GAN: variants seen among roughly 807,000 people sequenced by gnomAD.
GAN encodes epididymis secretory sperm binding protein.
A neutral mutation model predicts 71.3 loss-of-function variants in GAN; 48 were observed. That is an observed-to-expected ratio of 0.67 (90% CI 0.53 to 0.86). The LOEUF is 0.86. Ranked by LOEUF, GAN falls within the 40% of genes least tolerant of loss-of-function variation. The probability of loss-of-function intolerance (pLI) is 0.00; values close to 1 mark genes in which losing one functional copy is unlikely to be tolerated. For missense variants in GAN, 928 were observed against 770.1 expected (o/e 1.21, Z -2.43); for synonymous variants, 386 against 276.8 (o/e 1.39, Z -3.92).
At chr16:81,337,890 T>C (rs1268436675) in intron 1 of GAN, among the ~76,000 whole-genome samples, 2 of 152,228 alleles carry the variant, frequency 1.3e-5, no homozygotes, top group African/African-American at 4.8e-5. Context: ...AAGTATATTA[T>C]AAATCCTTAA....
At chr16:81,318,703 C>T (rs1909125795) in intron 1 of GAN, among the ~76,000 whole-genome samples, 1 of 152,048 alleles carries the variant, frequency 6.6e-6, no homozygotes, top group African/African-American at 2.4e-5. Context: ...CTTGTTTTTC[C>T]TGCTGACACC....
intron 9 of GAN, among the ~76,000 whole-genome samples, chr16:81,375,738 G>A (rs2150697676): frequency 6.6e-6 from 1 of 152,160 alleles, no homozygotes; most frequent in South Asian, 2.1e-4. Context: ...GGCCAAGACA[G>A]AAGGATCACT....
chr16:81,325,874 C>T (rs1909368509), intron 1 of GAN, among the ~76,000 whole-genome samples: 1 of 152,224 alleles, frequency 6.6e-6, no homozygotes, highest in Non-Finnish European at 1.5e-5. Context: ...CCCTTGACAG[C>T]TCTGCAGAGT....
At chr16:81,369,688 T>G (rs1157281299) in intron 9 of GAN, among the ~76,000 whole-genome samples, 1 of 152,060 alleles carries the variant, frequency 6.6e-6, no homozygotes. Context: ...ACCTGCCGGG[T>G]TCACACCATT....
intron 1 of GAN, among the ~76,000 whole-genome samples, chr16:81,338,073 G>A (rs952892564): frequency 3.3e-5 from 5 of 152,152 alleles, no homozygotes; most frequent in African/African-American, 7.2e-5. Context: ...ATCAGCAGAC[G>A]GGGCAGAGAG....
intron 5 of GAN, among the ~76,000 whole-genome samples, chr16:81,358,348 C>T (rs1032307567): frequency 3.3e-5 from 5 of 152,130 alleles, no homozygotes; most frequent in African/African-American, 9.7e-5. Context: ...AGTGTGGTGG[C>T]TCACACCTGT....
chr16:81,377,225 C>G lies in GAN; in HGVS notation c.1509C>G (p.Ile503Met). ...GCATGGGCTTTGTTTTCAGGTGGATCTATCTTAACGACCAGAATTTATGCA... is the reference window on the plus strand; with the variant it reads ...GCATGGGCTTTGTTTTCAGGTGGATGTATCTTAACGACCAGAATTTATGCA... The part of the protein sequence containing the change: ...EFYHDEFKRW[I>M]YLNDQNLCIP... Residue 503 changes from isoleucine to methionine, a missense_variant, in exon 10 of 11, where the codon ATC becomes ATG. Coordinates refer to ENST00000648994, the MANE Select transcript of GAN (RefSeq NM_022041.4). The G allele has an allele frequency of 1.3e-6, 2 of 1,593,384 alleles. No homozygotes were observed. Among genetic ancestry groups the G allele is most frequent in the Non-Finnish European group, 1.7e-6 (2 of 1,161,166 alleles).
At chr16:81,318,533 G>T (rs1363772324) in intron 1 of GAN, among the ~76,000 whole-genome samples, 1 of 152,118 alleles carries the variant, frequency 6.6e-6, no homozygotes. Context: ...AATAGGAGCA[G>T]TATTGTCTTT....
At chr16:81,342,922 G>A (rs747711848) in intron 1 of GAN, among the ~76,000 whole-genome samples, 23 of 151,712 alleles carry the variant, frequency 1.5e-4, no homozygotes, top group African/African-American at 2.4e-4. Context: ...TCAAATAGAC[G>A]GAATAAAAAA....
At position 81,353,834 on chromosome 16, in the gene GAN, A is replaced by C. The variant is rs368157653; in HGVS notation, c.283-571A>C. ...GTATTAGGGATTTATTCCAAAAAGT[A>C]GTTTTGAGACCTAAGTGTATCTGTC... On this transcript the variant is annotated intron_variant, in intron 2 of 10. Transcript: ENST00000648994. Among the ~76,000 whole-genome samples the C allele has an allele frequency of 3.9e-5, 6 of 152,266 alleles. 1 individual carries two copies. Among genetic ancestry groups the C allele is most frequent in the African/African-American group, 1.4e-4 (6 of 41,554 alleles).
At chr16:81,366,437 C>T (rs1365579960) in intron 9 of GAN, among the ~76,000 whole-genome samples, 1 of 152,168 alleles carries the variant, frequency 6.6e-6, no homozygotes, top group Non-Finnish European at 1.5e-5. Flanking sequence ...AACCACTGAG[C>T]AGTATTCTTA....
rs1597407045 is a variant in GAN, at chr16:81,365,011, C to T, written c.1274C>T (p.Ala425Val). 3.1e-6 allele frequency: 5 copies of T among 1,613,790 alleles called. No homozygotes were observed. In the East Asian group the frequency reaches 6.7e-5, roughly 22 times the overall value. The stretch of plus-strand genomic sequence containing the variant: ...GCAGCTATGAAAAAGAAAATCTACG[C>T]CATGGGTGGAGGCTCCTACGGAAAG... ...CYAAMKKKIYAMGGGSYGKLF... is the reference protein window; with the variant it reads ...CYAAMKKKIYVMGGGSYGKLF... The change falls in exon 8 of 11, where the codon GCC (alanine) becomes GTC (valine). Residue 425 changes from alanine (A) to valine (V), a missense_variant. Transcript: ENST00000648994.
intron 9 of GAN, among the ~76,000 whole-genome samples, chr16:81,373,925 T>G (rs1399046556): frequency 1.3e-5 from 2 of 152,204 alleles, no homozygotes; most frequent in African/African-American, 4.8e-5. Context: ...GTATCTTTAG[T>G]AGAGATGAGG....
At position 81,386,301 on chromosome 16, in the gene GAN, C is replaced by T. The variant is rs979427476; in HGVS notation, c.*8705C>T. The T allele has an allele frequency of 2.6e-5, 4 of 152,096 alleles. No individual in the cohort carries two copies. Among genetic ancestry groups the T allele is most frequent in the East Asian group, 3.9e-4 (2 of 5,178 alleles). The allele number at this position is 152,096 out of a possible 1,614,324, so 9.4% of individuals were successfully genotyped here. On this transcript the variant is annotated 3_prime_UTR_variant, in exon 11 of 11. Coordinates refer to ENST00000648994, the MANE Select transcript of GAN (RefSeq NM_022041.4). ...TAGTAATCTGTATTGGTCAAAGAAA[C>T]GAGATAATTCCTAGATCTCTGTTTT...
At chr16:81,354,285 A>G (rs1351226216) in intron 2 of GAN, 120 bp from the exon 3 acceptor site, 12 of 729,458 alleles carry the variant, frequency 1.6e-5, no homozygotes, top group Non-Finnish European at 2.3e-5. Context: ...GAAATTGCCA[A>G]TATTCGATTA....
At chr16:81,361,635 C>G (rs1910675858) in intron 5 of GAN, among the ~76,000 whole-genome samples, 1 of 152,202 alleles carries the variant, frequency 6.6e-6, no homozygotes, top group South Asian at 2.1e-4. Flanking sequence ...TCTGTAGGTC[C>G]TAATTTTCCC....
chr16:81,370,378 C>T (rs1361774763), intron 9 of GAN, among the ~76,000 whole-genome samples: 1 of 152,206 alleles, frequency 6.6e-6, no homozygotes, highest in Non-Finnish European at 1.5e-5. Flanking sequence ...GTGGCAAAAA[C>T]CACACCAGTC....
intron 6 of GAN, among the ~76,000 whole-genome samples, chr16:81,363,055 A>T (rs951019865): frequency 6.6e-6 from 1 of 152,222 alleles, no homozygotes; most frequent in African/African-American, 2.4e-5. Flanking sequence ...TCAGCACTAG[A>T]ATCGTGCTTG....
chr16:81,356,941 G>C lies in GAN; in HGVS notation c.790G>C (p.Ala264Pro). Residue 264 changes from alanine (A) to proline (P), a missense_variant, in exon 4 of 11, where the codon GCC (alanine) becomes CCC (proline). Coordinates refer to ENST00000648994, the MANE Select transcript of GAN (RefSeq NM_022041.4). ...SQPQQGEAML[A>P]NFKPRGYSEC... The stretch of plus-strand genomic sequence containing the variant: ...GCCGCAGCAAGGGGAGGCGATGCTG[G>C]CCAACTTCAAACCCCGGGGCTACTC... 1 of 1,613,788 alleles carries C rather than the reference G, an allele frequency of 6.2e-7. No homozygotes were observed. Among genetic ancestry groups the C allele is most frequent in the Non-Finnish European group, 8.5e-7 (1 of 1,179,870 alleles).
Sources: allele counts gnomAD v4.1 joint callset (sites outside exome capture counted in the v4.1 genomes callset), GRCh38; gene constraint gnomAD v4.1.1; transcripts MANE v1.5; gene names NCBI Gene and HGNC (gene_info 2026-07-23, HGNC 2026-07-21).